The following NUDT7 variants were observed in gnomAD, a reference collection of about 807,000 sequenced individuals.
NUDT7 encodes nudix hydrolase 7.
In NUDT7, 19 loss-of-function variants were observed where a neutral mutation model predicts 13.1. The ratio of observed to expected loss-of-function variants is 1.45; its 90% confidence interval spans 1.01 to 2.13. The LOEUF (loss-of-function observed/expected upper bound fraction) is 2.13, where lower values mean the gene tolerates loss of function less well. Among genes scored for constraint, NUDT7 ranks in the 30% most tolerant of loss-of-function variants. The probability of loss-of-function intolerance (pLI) is 0.00; values close to 1 mark genes in which losing one functional copy is unlikely to be tolerated. For missense variants in NUDT7, 360 were observed against 291.7 expected (o/e 1.23, Z -1.71); for synonymous variants, 132 against 109.7 (o/e 1.20, Z -1.27).
intron 1 of NUDT7, 108 bp from the exon 2 acceptor site, chr16:77,725,323 A>G (rs1381330326): frequency 3.1e-6 from 3 of 960,926 alleles, no homozygotes; most frequent in Admixed American, 2.6e-5. Flanking sequence ...GAGAGTCAGA[A>G]ATGGCAAACT....
At chr16:77,725,188 T>A (rs2014090128) in intron 1 of NUDT7, among the ~76,000 whole-genome samples, 2 of 152,242 alleles carry the variant, frequency 1.3e-5, no homozygotes, top group Non-Finnish European at 2.9e-5. Flanking sequence ...TTACCATACT[T>A]TATGTTTCAA....
chr16:77,722,754 C>T, intron 1 of NUDT7, 137 bp downstream of exon 1: 2 of 771,994 alleles, frequency 2.6e-6, no homozygotes, highest in African/African-American at 1.7e-5. Flanking sequence ...GATGGGGGAG[C>T]ACTCGCCTCC....
At chr16:77,729,132 C>G (rs952818615) in intron 2 of NUDT7, among the ~76,000 whole-genome samples, 3 of 152,116 alleles carry the variant, frequency 2.0e-5, no homozygotes, top group Admixed American at 1.3e-4. Context: ...TAACTGACCG[C>G]TTTTGTGCTT....
intron 3 of NUDT7, among the ~76,000 whole-genome samples, chr16:77,740,483 A>G (rs1211030708): frequency 6.6e-6 from 1 of 152,134 alleles, no homozygotes; most frequent in Non-Finnish European, 1.5e-5. Flanking sequence ...CAGGGTTTCC[A>G]GTATAACAAA....
Position 77,741,828 on chromosome 16 carries a change from G to C in NUDT7, c.595G>C (p.Val199Leu). Residue 199 changes from valine (V) to leucine (L), a missense_variant, in exon 4 of 4, where the codon GTG becomes CTG. Val to Leu is a conservative substitution (Grantham distance 32). Coordinates refer to ENST00000268533, the MANE Select transcript of NUDT7 (RefSeq NM_001105663.3). ...AATGACGGCAAACCTTGCAGTGTTGGTGGCCTTTATCATTTTGGAAAAAAA... is the reference window on the plus strand; with the variant it reads ...AATGACGGCAAACCTTGCAGTGTTGCTGGCCTTTATCATTTTGGAAAAAAA... ...KGMTANLAVL[V>L]AFIILEKKPT... is the part of the protein sequence containing the mutation. 1 of 1,614,090 alleles carries C rather than the reference G, an allele frequency of 6.2e-7. No homozygotes were observed. Among genetic ancestry groups the C allele is most frequent in the Non-Finnish European group, 8.5e-7 (1 of 1,180,020 alleles).
intron 1 of NUDT7, among the ~76,000 whole-genome samples, chr16:77,723,456 T>A (rs1256499242): frequency 6.6e-6 from 1 of 152,148 alleles, no homozygotes; most frequent in African/African-American, 2.4e-5. Flanking sequence ...ATGGGGAGAT[T>A]TATGACAGTG....
chr16:77,741,379 G>A (rs1251256574), intron 3 of NUDT7: 1 of 525,900 alleles, frequency 1.9e-6, no homozygotes, highest in Non-Finnish European at 3.3e-6. Context: ...ATCATTTTCA[G>A]AGTCATCTCA....
intron 2 of NUDT7, among the ~76,000 whole-genome samples, chr16:77,735,079 A>G (rs1298969665): frequency 1.3e-5 from 2 of 152,208 alleles, no homozygotes; most frequent in African/African-American, 2.4e-5. Context: ...TGCCCAGAAC[A>G]TAATAAGCAG....
intron 2 of NUDT7, among the ~76,000 whole-genome samples, chr16:77,730,273 CCAACCTCCCCCCAAACCACCT>C (rs2014280071): frequency 6.6e-6 from 1 of 152,060 alleles, no homozygotes; most frequent in African/African-American, 2.4e-5. Context: ...CAACATCTCC[CCAACCTCCCCCCAAACCACCT>C]CAGCAGCTAG....
chr16:77,733,915 A>G (rs1324915051), intron 2 of NUDT7, among the ~76,000 whole-genome samples: 3 of 152,182 alleles, frequency 2.0e-5, no homozygotes, highest in Non-Finnish European at 4.4e-5. Context: ...AGAAGAGAGA[A>G]CAGTGGAGGG....
rs775394080 is a variant in NUDT7 at position 77,741,855 on chromosome 16, C to G, written c.622C>G (p.Pro208Ala). 2.5e-6 allele frequency: 4 copies of G among 1,613,862 alleles called. No homozygotes were observed. In the Admixed American group the frequency reaches 5.0e-5, roughly 20 times the overall value. Residue 208 changes from proline to alanine, a missense_variant, in exon 4 of 4, where the codon CCC becomes GCC. Physicochemically the swap from Pro to Ala is conservative, Grantham distance 27. Transcript: ENST00000268533. ...GGCCTTTATCATTTTGGAAAAAAAA[C>G]CCACCTTTGAGGTTCAATTTAATCT... The part of the protein sequence containing the change: ...LVAFIILEKK[P>A]TFEVQFNLND...
chr16:77,729,322 T>A (rs1378362230), intron 2 of NUDT7, among the ~76,000 whole-genome samples: 3 of 150,894 alleles, frequency 2.0e-5, no homozygotes, highest in Admixed American at 6.9e-5. Flanking sequence ...TTGAAGTATA[T>A]ATTCACTGTG....
intron 3 of NUDT7, 41 bp downstream of exon 3, chr16:77,736,027 C>T (rs368352860): frequency 2.5e-5 from 40 of 1,571,974 alleles, no homozygotes; most frequent in African/African-American, 4.1e-5. Context: ...CGTCCCCACC[C>T]CCAGGTGGAT....
chr16:77,740,056 G>A (rs956135925), intron 3 of NUDT7, among the ~76,000 whole-genome samples: 1 of 152,054 alleles, frequency 6.6e-6, no homozygotes, highest in African/African-American at 2.4e-5. Flanking sequence ...AGTCCACCTG[G>A]AAAACTCCAT....
chr16:77,740,729 G>A (rs1277983424), intron 3 of NUDT7, among the ~76,000 whole-genome samples: 2 of 151,604 alleles, frequency 1.3e-5, no homozygotes, highest in African/African-American at 4.8e-5. Context: ...TGTATTTTTA[G>A]TAGAGACGGG....
rs1339971733 is a variant in NUDT7 at position 77,735,960 on chromosome 16, T to G, written c.322T>G (p.Cys108Gly). The G allele has an allele frequency of 6.2e-7, 1 of 1,614,032 alleles. No individual in the cohort carries two copies. The highest frequency in any genetic ancestry group is 2.2e-5 in the East Asian group (1 of 44,892). ...CCGTCCTCACCAAGTGGAAGTTGTC[T>G]GCTGCCTGGTGCCATGTCTTATTGA... ...GLRPHQVEVVCCLVPCLIDTD... is the reference protein window; with the variant it reads ...GLRPHQVEVVGCLVPCLIDTD... Residue 108 changes from cysteine to glycine, a missense_variant, in exon 3 of 4, where the codon TGC (cysteine) becomes GGC (glycine). Physicochemically the swap from Cys to Gly is radical, Grantham distance 159 (BLOSUM62 -3). Transcript: ENST00000268533.
Position 77,741,811 on chromosome 16 carries a change from C to T in NUDT7, c.578C>T (p.Ala193Val). ...GVTYQIKGMT[A>V]NLAVLVAFII... is the part of the protein sequence containing the mutation. ...ACTTACCAGATCAAGGGAATGACGG[C>T]AAACCTTGCAGTGTTGGTGGCCTTT... Residue 193 changes from alanine (A) to valine (V), a missense_variant, in exon 4 of 4, where the codon GCA (alanine) becomes GTA (valine). Transcript: ENST00000268533. 6.2e-7 allele frequency: 1 copy of T among 1,614,114 alleles called. No individual in the cohort carries two copies. The highest frequency in any genetic ancestry group is 1.7e-5 in the Admixed American group (1 of 60,010).
intron 2 of NUDT7, chr16:77,735,522 C>A (rs2014450636): frequency 3.6e-6 from 2 of 561,518 alleles, no homozygotes; most frequent in South Asian, 2.6e-5. Context: ...GCCAACCAAA[C>A]CTCTTTTCTT....
intron 2 of NUDT7, chr16:77,735,376 C>G (rs2014444640): frequency 1.8e-6 from 1 of 546,346 alleles, no homozygotes; most frequent in Non-Finnish European, 3.3e-6. Flanking sequence ...CCCTCCCTCT[C>G]TCTGTCTCCC....
Sources: allele counts gnomAD v4.1 joint callset (sites outside exome capture counted in the v4.1 genomes callset), GRCh38; gene constraint gnomAD v4.1.1; transcripts MANE v1.5; gene names NCBI Gene and HGNC (gene_info 2026-07-23, HGNC 2026-07-21).